SMC2: variants seen among roughly 807,000 people sequenced by gnomAD.
SMC2 encodes structural maintenance of chromosomes protein 2.
In SMC2, 41 loss-of-function variants were observed where a neutral mutation model predicts 142.6. That is an observed-to-expected ratio of 0.29 (90% CI 0.22 to 0.37). The LOEUF is 0.37. SMC2 is among the 10% of genes least tolerant of loss of function. The pLI is 1.00. For synonymous variants in SMC2, 463 were observed against 457.5 expected, an observed-to-expected ratio of 1.01 and a Z score of -0.15; for missense variants, 1,265 against 1,373.7, an observed-to-expected ratio of 0.92 and a Z score of 1.25.
Position 104,139,685 on chromosome 9 carries a change from T to A in SMC2, c.*370T>A, listed in dbSNP as rs1442512369. On this transcript the variant is annotated 3_prime_UTR_variant, in exon 25 of 25. Transcript: ENST00000374793. ...ATCAGTGTTTAATTGATTTAATTCCTAAGGCAATATTAATGTGTTTTCTAA... is the reference window on the plus strand; with the variant it reads ...ATCAGTGTTTAATTGATTTAATTCCAAAGGCAATATTAATGTGTTTTCTAA... 1 of 163,560 alleles carries A rather than the reference T, an allele frequency of 6.1e-6. No individual in the cohort carries two copies. The highest frequency in any genetic ancestry group is 1.3e-5 in the Non-Finnish European group (1 of 76,360). 10.1% of individuals were successfully genotyped at this position (163,560 alleles called of 1,614,324 possible).
intron 18 of SMC2, 76 bp downstream of exon 18, chr9:104,125,181 TG>T (rs1834126709): frequency 9.5e-7 from 1 of 1,053,610 alleles, no homozygotes; most frequent in East Asian, 2.5e-5. Flanking sequence ...CATCATTGGT[TG>T]ACCTTATTCA....
chr9:104,126,275 G>A (rs992319270), intron 18 of SMC2, among the ~76,000 whole-genome samples: 2 of 152,086 alleles, frequency 1.3e-5, no homozygotes, highest in South Asian at 2.1e-4. Context: ...GCTATAGTGG[G>A]AAAGAAGAAT....
intron 22 of SMC2, 86 bp from the exon 23 acceptor site, chr9:104,134,329 C>T: frequency 1.0e-6 from 1 of 953,438 alleles, no homozygotes; most frequent in East Asian, 2.5e-5. Context: ...CAAAGTAGAC[C>T]TGCTGTGTTG....
At position 104,122,020 on chromosome 9, in the gene SMC2, A is replaced by G. The variant is rs554965954; in HGVS notation, c.2133-1088A>G. On this transcript the variant is annotated intron_variant, in intron 16 of 24. Transcript: ENST00000374793. The stretch of plus-strand genomic sequence containing the variant: ...TCTATCCTTTTTACTTTCAAACATC[A>G]CATACATGTAAAGGCCTGCATTTTA... Among the ~76,000 whole-genome samples, 4 of 152,300 alleles carry G rather than the reference A, an allele frequency of 2.6e-5. No individual in the cohort carries two copies. In the South Asian group the frequency reaches 8.3e-4, roughly 32 times the overall value.
chr9:104,114,857 T>G, intron 13 of SMC2, 28 bp downstream of exon 13: 1 of 1,570,912 alleles, frequency 6.4e-7, no homozygotes, highest in Non-Finnish European at 8.6e-7. Flanking sequence ...TTAAAAAATT[T>G]AAAATTTGGT....
At chr9:104,119,337 G>A (rs1213102088) in intron 15 of SMC2, among the ~76,000 whole-genome samples, 1 of 152,168 alleles carries the variant, frequency 6.6e-6, no homozygotes, top group Non-Finnish European at 1.5e-5. Flanking sequence ...ATTACAAAGT[G>A]TTTAAAAGCA....
At chr9:104,093,868 G>T (rs192365326), upstream of SMC2, among the ~76,000 whole-genome samples, 2,270 of 151,882 alleles carry the variant, frequency 0.015, 58 homozygotes, top group African/African-American at 0.052. Flanking sequence ...AACCCGAGAA[G>T]ATTCTGAAGC....
chr9:104,113,634 A>C (rs1201900427), intron 11 of SMC2, among the ~76,000 whole-genome samples, 159 bp downstream of exon 11: 3 of 152,176 alleles, frequency 2.0e-5, no homozygotes, highest in African/African-American at 4.8e-5. Context: ...AAAATACCTA[A>C]TTATAAAACA....
intron 4 of SMC2, among the ~76,000 whole-genome samples, 190 bp from the exon 5 acceptor site, chr9:104,099,454 T>C (rs1373748343): frequency 2.6e-5 from 4 of 152,050 alleles, no homozygotes; most frequent in Non-Finnish European, 4.4e-5. Context: ...CCATAATTTG[T>C]ATCACTGGTG....
In SMC2 at chr9:104,140,386, A is replaced by G. The variant is rs1835963753; in HGVS notation, c.*1071A>G. 1 of 152,158 alleles carries G rather than the reference A, an allele frequency of 6.6e-6. No individual in the cohort carries two copies. Among genetic ancestry groups the G allele is most frequent in the African/African-American group, 2.4e-5 (1 of 41,444 alleles). 9.4% of individuals were successfully genotyped at this position (152,158 alleles called of 1,614,324 possible). A position where few individuals can be genotyped will look rare whatever the true frequency, so the allele number is the denominator to read the frequency against. ...CTACAGTTTTTGGTACGTCATCACT[A>G]GAACAGTGACCCCAAACTGAATCAT... is the stretch of plus-strand genomic sequence containing the variant. On this transcript the variant is annotated 3_prime_UTR_variant, in exon 25 of 25. Transcript: ENST00000374793.
At chr9:104,098,156 G>A (rs1186189440) in intron 3 of SMC2, among the ~76,000 whole-genome samples, 1 of 152,178 alleles carries the variant, frequency 6.6e-6, no homozygotes, top group Admixed American at 6.5e-5. Context: ...ACATATACTT[G>A]GAAACATAAA....
Position 104,114,734 on chromosome 9 carries a change from G to A in SMC2, c.1576G>A (p.Val526Met). The A allele has an allele frequency of 1.2e-6, 2 of 1,613,164 alleles. No individual in the cohort carries two copies. The highest frequency in any genetic ancestry group is 4.5e-5 in the East Asian group (2 of 44,800). Residue 526 changes from valine to methionine, a missense_variant, in exon 13 of 25, where the codon GTG (valine) becomes ATG (methionine). Transcript: ENST00000374793. ...NWNRNCVKGLVASLISVKDTS... is the reference protein window; with the variant it reads ...NWNRNCVKGLMASLISVKDTS... ...GAATAGAAATTGTGTGAAAGGACTTGTGGCTTCTCTGATTAGTGTGAAAGA... is the reference window on the plus strand; with the variant it reads ...GAATAGAAATTGTGTGAAAGGACTTATGGCTTCTCTGATTAGTGTGAAAGA...
At chr9:104,094,514 G>C in intron 1 of SMC2, 37 bp downstream of exon 1, 1 of 328,714 alleles carries the variant, frequency 3.0e-6, no homozygotes, top group Non-Finnish European at 5.3e-6. Flanking sequence ...GTTGGGCCGG[G>C]CCAGACTTCC....
chr9:104,127,449 A>G lies in SMC2; in HGVS notation c.2759A>G (p.His920Arg), dbSNP rs764587095. The part of the protein sequence containing the change: ...IKELDHNISK[H>R]KREAEDGAAK... ...GAATTAGACCACAACATCAGCAAAC[A>G]TAAACGGGAGGCTGAAGATGGTGCT... is the stretch of plus-strand genomic sequence containing the variant. Residue 920 changes from histidine to arginine, a missense_variant, in exon 20 of 25, where the codon CAT becomes CGT. Around this residue, in one of 4 missense-constraint regions of SMC2, gnomAD observed 898 missense variants for 904.2 expected, o/e 0.99. Transcript: ENST00000374793. 6 of 1,611,498 alleles carry G rather than the reference A, an allele frequency of 3.7e-6. No homozygotes were observed. The highest frequency in any genetic ancestry group is 1.7e-5 in the Admixed American group (1 of 59,518).
intron 23 of SMC2, chr9:104,135,940 C>T (rs928930119): frequency 1.9e-6 from 1 of 518,212 alleles, no homozygotes; most frequent in Non-Finnish European, 3.9e-6. Context: ...CAGATGGAAC[C>T]TTGGATCTAC....
intron 3 of SMC2, among the ~76,000 whole-genome samples, chr9:104,097,541 G>A (rs550539683): frequency 4.2e-5 from 6 of 143,520 alleles, no homozygotes; most frequent in South Asian, 4.4e-4. Flanking sequence ...CGTAGGCCAC[G>A]TTAGGACAGA....
At chr9:104,129,966 T>G in intron 21 of SMC2, 121 bp downstream of exon 21, 2 of 722,704 alleles carry the variant, frequency 2.8e-6, no homozygotes, top group Non-Finnish European at 4.5e-6. Context: ...ATACTTTTCT[T>G]TCTGCTTTCC....
chr9:104,090,410 C>T (rs963603351), upstream of SMC2, among the ~76,000 whole-genome samples: 1 of 151,980 alleles, frequency 6.6e-6, no homozygotes, highest in Non-Finnish European at 1.5e-5. Context: ...TTATGTAAAA[C>T]CTGGAGCCTT....
chr9:104,102,573 G>T lies in SMC2; in HGVS notation c.1020G>T (p.Glu340Asp), dbSNP rs1312733359. ...KRKELEKNMV[E>D]DSKTLAAKEK... ...AAGAGCTGGAAAAAAATATGGTTGAGGTAAGTGAGCTTAATGTGCCACTAG... is the reference window on the plus strand; with the variant it reads ...AAGAGCTGGAAAAAAATATGGTTGATGTAAGTGAGCTTAATGTGCCACTAG... Residue 340 changes from glutamate to aspartate, a missense_variant and splice_region_variant, in exon 9 of 25, where the codon GAG (glutamate) becomes GAT (aspartate). Physicochemically the swap from Glu to Asp is conservative, Grantham distance 45 (BLOSUM62 2). Transcript: ENST00000374793. 1 of 1,612,096 alleles carries T rather than the reference G, an allele frequency of 6.2e-7. No homozygotes were observed. The highest frequency in any genetic ancestry group is 8.5e-7 in the Non-Finnish European group (1 of 1,179,032).
Sources: allele counts gnomAD v4.1 joint callset (sites outside exome capture counted in the v4.1 genomes callset), GRCh38; gene constraint gnomAD v4.1.1; regional missense constraint gnomAD v4.1.1; transcripts MANE v1.5; gene names NCBI Gene and HGNC (gene_info 2026-07-23, HGNC 2026-07-21).